The following NVL variants were observed in gnomAD, a reference collection of about 807,000 sequenced individuals.
The protein encoded by NVL is nuclear VCP like.
A neutral mutation model predicts 110.2 loss-of-function variants in NVL; 84 were observed. That is an observed-to-expected ratio of 0.76 (90% CI 0.64 to 0.91). The LOEUF (loss-of-function observed/expected upper bound fraction) is 0.91, where lower values mean the gene tolerates loss of function less well. NVL is among the 40% of genes least tolerant of loss of function. NVL has a pLI of 0.00. For synonymous variants in NVL, 354 were observed against 361.1 expected (o/e 0.98, Z 0.22); for missense variants, 882 against 1,035.9 (o/e 0.85, Z 2.04).
At chr1:224,230,843 G>C (rs781628366) in intron 22 of NVL, among the ~76,000 whole-genome samples, 1 of 152,040 alleles carries the variant, frequency 6.6e-6, no homozygotes, top group African/African-American at 2.4e-5. Flanking sequence ...CTGTAAAAGA[G>C]TTTAATTCAG....
chr1:224,284,385 T>TC (rs1666656555), intron 15 of NVL, among the ~76,000 whole-genome samples: 1 of 152,082 alleles, frequency 6.6e-6, no homozygotes, highest in South Asian at 2.1e-4. Context: ...AAAACTAGTT[T>TC]TTTTTTTTGA....
chr1:224,257,415 T>C (rs1663404837), intron 18 of NVL, among the ~76,000 whole-genome samples: 1 of 152,206 alleles, frequency 6.6e-6, no homozygotes. Context: ...TATTTTGTTA[T>C]AAATGGACCC....
chr1:224,297,266 G>A (rs754435372), intron 10 of NVL, among the ~76,000 whole-genome samples: 7 of 152,150 alleles, frequency 4.6e-5, no homozygotes, highest in South Asian at 2.1e-4. Context: ...GAAAAGTACC[G>A]GAAGCTTATT....
chr1:224,262,026 G>C (rs1664044094), intron 18 of NVL, among the ~76,000 whole-genome samples: 1 of 152,038 alleles, frequency 6.6e-6, no homozygotes, highest in Non-Finnish European at 1.5e-5. Context: ...ATAACCAAAG[G>C]TGGAATGGTG....
Position 224,236,552 on chromosome 1 carries a change from C to T in NVL, c.2320G>A (p.Val774Ile). 1.2e-6 allele frequency: 2 copies of T among 1,614,008 alleles called. No homozygotes were observed. Among genetic ancestry groups the T allele is most frequent in the Non-Finnish European group, 1.7e-6 (2 of 1,179,858 alleles). ...NGTKPPLDADVNLEAIAGDLR... is the reference protein window; with the variant it reads ...NGTKPPLDADINLEAIAGDLR... ...TCACCAGCAATTGCTTCCAAATTTA[C>T]ATCTGCATCCAGTGGTGGTTTGGTA... is the stretch of plus-strand genomic sequence containing the variant. The change falls in exon 20 of 23, where the codon GTA (valine) becomes ATA (isoleucine). Residue 774 changes from valine to isoleucine, a missense_variant. By Grantham distance (29) the Val-to-Ile change is conservative. Around this residue, in one of 4 missense-constraint regions of NVL, gnomAD observed 126 missense variants for 140.7 expected, o/e 0.90. Transcript: ENST00000281701.
At chr1:224,240,061 A>T (rs1043242101) in intron 19 of NVL, among the ~76,000 whole-genome samples, 3 of 90,920 alleles carry the variant, frequency 3.3e-5, no homozygotes, top group African/African-American at 4.6e-5. Flanking sequence ...ACGCTGGGTA[A>T]TTTTTTTTTT....
At chr1:224,233,602 C>CA (rs1378498480) in intron 20 of NVL, among the ~76,000 whole-genome samples, 2 of 151,788 alleles carry the variant, frequency 1.3e-5, no homozygotes, top group African/African-American at 4.8e-5. Flanking sequence ...TACAAAACTA[C>CA]AAAAAAATTA....
chr1:224,300,087 A>G (rs1393284085), intron 10 of NVL, among the ~76,000 whole-genome samples: 2 of 152,192 alleles, frequency 1.3e-5, no homozygotes, highest in Non-Finnish European at 2.9e-5. Context: ...CTCTCATTTA[A>G]TACTCTCAAT....
chr1:224,251,071 C>G (rs914796802), intron 18 of NVL, among the ~76,000 whole-genome samples: 1 of 151,374 alleles, frequency 6.6e-6, no homozygotes. Context: ...GTCAGGAGTT[C>G]GAGACCAGCC....
Position 224,311,796 on chromosome 1 carries a change from T to C in NVL, c.342+4A>G, listed in dbSNP as rs375039823. The C allele has an allele frequency of 2.4e-5, 38 of 1,612,170 alleles. No homozygotes were observed. Among genetic ancestry groups the C allele is most frequent in the Non-Finnish European group, 3.2e-5 (38 of 1,178,384 alleles). On this transcript the variant is annotated splice_donor_region_variant and intron_variant, in intron 5 of 22. Coordinates refer to ENST00000281701, the MANE Select transcript of NVL (RefSeq NM_002533.4). ...TAAGTGGACCCACTAAATGTTTGGC[T>C]TACCTGTGGATCTGGGTAGTCTTCC...
intron 2 of NVL, among the ~76,000 whole-genome samples, chr1:224,321,755 CAAAAAA>C (rs10551099): frequency 7.5e-6 from 1 of 133,794 alleles, no homozygotes. Context: ...GATTCCACCT[CAAAAAA>C]AAAAAAAAAA....
chr1:224,306,415 C>T (rs1034246823), intron 6 of NVL, among the ~76,000 whole-genome samples: 2 of 152,096 alleles, frequency 1.3e-5, no homozygotes, highest in African/African-American at 2.4e-5. Flanking sequence ...TACAGGCGCC[C>T]GCCATGACGC....
intron 19 of NVL, among the ~76,000 whole-genome samples, chr1:224,244,881 T>G (rs964470846): frequency 2.7e-4 from 41 of 152,220 alleles, no homozygotes; most frequent in Admixed American, 2.4e-3. Context: ...AGAGATGGGG[T>G]TTCACCATAT....
chr1:224,310,379 C>T (rs1669396634), intron 5 of NVL, among the ~76,000 whole-genome samples: 1 of 152,066 alleles, frequency 6.6e-6, no homozygotes, highest in Non-Finnish European at 1.5e-5. Flanking sequence ...GCCAATCCCC[C>T]ATGGATAGTG....
At chr1:224,236,741 T>A in intron 19 of NVL, 159 bp from the exon 20 acceptor site, 1 of 527,976 alleles carries the variant, frequency 1.9e-6, no homozygotes, top group South Asian at 1.9e-5. Flanking sequence ...TAAAACCCCA[T>A]CTCTACTACA....
Position 224,295,207 on chromosome 1 carries a change from T to C in NVL, c.1181-796A>G, listed in dbSNP as rs192307962. On this transcript the variant is annotated intron_variant, in intron 11 of 22. Coordinates refer to ENST00000281701, the MANE Select transcript of NVL (RefSeq NM_002533.4). ...TTTATACAGTGTGTTCTTTTTTTTT[T>C]TTTGAGACGGAGTCTCGCTCTGTCG... 4.7e-4 allele frequency among the ~76,000 whole-genome samples: 72 copies of C among 152,196 alleles called. 1 individual carries two copies. The East Asian group carries it at 0.014, about 29-fold the overall frequency.
intron 1 of NVL, 129 bp from the exon 2 acceptor site, chr1:224,326,593 A>G (rs753649601): frequency 5.2e-5 from 30 of 576,848 alleles, no homozygotes; most frequent in Non-Finnish European, 8.1e-5. Flanking sequence ...TGTACCAGAA[A>G]CATAAATAAA....
At chr1:224,250,132 C>A in intron 19 of NVL, 80 bp downstream of exon 19, 1 of 1,455,094 alleles carries the variant, frequency 6.9e-7, no homozygotes, top group Non-Finnish European at 9.3e-7. Context: ...AATCAGTCAA[C>A]GAAAATTACT....
At chr1:224,287,687 C>A in intron 14 of NVL, 88 bp downstream of exon 14, 1 of 1,058,662 alleles carries the variant, frequency 9.4e-7, no homozygotes, top group Non-Finnish European at 1.4e-6. Context: ...GTCAGTTTAG[C>A]CACAGAACCT....
Sources: allele counts gnomAD v4.1 joint callset (sites outside exome capture counted in the v4.1 genomes callset), GRCh38; gene constraint gnomAD v4.1.1; regional missense constraint gnomAD v4.1.1; transcripts MANE v1.5; gene names NCBI Gene and HGNC (gene_info 2026-07-23, HGNC 2026-07-21).